LPP: variants seen among roughly 807,000 people sequenced by gnomAD.
The protein encoded by LPP is LIM domain containing preferred translocation partner in lipoma, also known as lipoma-preferred partner.
In LPP, 38 loss-of-function variants were observed where a neutral mutation model predicts 60.4. That is an observed-to-expected ratio of 0.63 (90% CI 0.49 to 0.83). The LOEUF (loss-of-function observed/expected upper bound fraction) is 0.83. Among genes scored for constraint, LPP ranks in the 40% least tolerant of loss-of-function variants. LPP has a pLI of 0.00. For synonymous variants in LPP, 328 were observed against 290.8 expected (o/e 1.13, Z -1.30); for missense variants, 902 against 783.6 (o/e 1.15, Z -1.80).
chr3:188,358,855 C>T (rs1183802331), intron 3 of LPP, among the ~76,000 whole-genome samples: 1 of 152,126 alleles, frequency 6.6e-6, no homozygotes, highest in African/African-American at 2.4e-5. Flanking sequence ...GATGCATTGT[C>T]CGCAAAGACT....
intron 7 of LPP, among the ~76,000 whole-genome samples, chr3:188,698,087 A>T (rs1240280577): frequency 2.0e-5 from 3 of 152,204 alleles, no homozygotes; most frequent in Non-Finnish European, 4.4e-5. Context: ...GGGACAATGC[A>T]TAGAAAGCTG....
Position 188,182,805 on chromosome 3 carries a change from GCACA to G in LPP, c.-190+28554_-190+28557del, listed in dbSNP as rs1162215335. Among the ~76,000 whole-genome samples, 17 of 148,398 alleles carry G rather than the reference GCACA, an allele frequency of 1.1e-4. No homozygotes were observed. Among genetic ancestry groups the G allele is most frequent in the Non-Finnish European group, 2.2e-4 (15 of 67,434 alleles). Reference sequence around the variant, plus strand: ...TAATATATGTACATATACAATATATGCACATATATAATATATGTACATATAATAT... The same window carrying G: ...TAATATATGTACATATACAATATATGTATATAATATATGTACATATAATAT... On this transcript the variant is annotated intron_variant, in intron 1 of 11. Coordinates refer to ENST00000617246, the MANE Select transcript of LPP (RefSeq NM_001375462.1). This position sits in a 1 kb window ranked among gnomAD's most constrained non-coding sequence, Gnocchi z 4.4.
intron 7 of LPP, among the ~76,000 whole-genome samples, chr3:188,676,574 A>T (rs573969397): frequency 6.6e-6 from 1 of 152,342 alleles, no homozygotes; most frequent in African/African-American, 2.4e-5. Context: ...ATTCTGCATT[A>T]CGTTTTAAAC....
intron 5 of LPP, among the ~76,000 whole-genome samples, chr3:188,502,146 T>C (rs1333686886): frequency 6.6e-6 from 1 of 152,222 alleles, no homozygotes; most frequent in Non-Finnish European, 1.5e-5. Flanking sequence ...CAATTGTTGT[T>C]CAAGTCCTCT....
chr3:188,764,649 A>T (rs1288091782), intron 9 of LPP, among the ~76,000 whole-genome samples: 1 of 152,188 alleles, frequency 6.6e-6, no homozygotes, highest in Admixed American at 6.5e-5. Context: ...ACATAAAGAG[A>T]CAGCCTTACT....
chr3:188,581,532 A>G (rs1836114338), intron 6 of LPP, among the ~76,000 whole-genome samples: 1 of 152,126 alleles, frequency 6.6e-6, no homozygotes, highest in South Asian at 2.1e-4. Flanking sequence ...GTCATTCATT[A>G]ATGTCCTGGT....
chr3:188,860,988 A>G (rs976803968), intron 9 of LPP, among the ~76,000 whole-genome samples: 2 of 152,338 alleles, frequency 1.3e-5, no homozygotes, highest in South Asian at 2.1e-4. Context: ...GTAACTCCCA[A>G]TCTGTCACTA....
At chr3:188,580,915 C>T (rs4642113) in intron 6 of LPP, among the ~76,000 whole-genome samples, 1 of 152,046 alleles carries the variant, frequency 6.6e-6, no homozygotes. Context: ...ATTCCTTCTT[C>T]TTTAAGGAAT....
rs116384940 is a variant in LPP at position 188,715,742 on chromosome 3, A to T, written c.1240+7349A>T. On this transcript the variant is annotated intron_variant, in intron 8 of 11. Transcript: ENST00000617246. ...GCCTCTAAGTTTTATGCTTTCATTC[A>T]TTTTGTAAGAGAAAGCGTGTTTGTA... Among the ~76,000 whole-genome samples the T allele has an allele frequency of 2.6e-3, 392 of 152,314 alleles. 2 individuals carry two copies. Among genetic ancestry groups the T allele is most frequent in the Middle Eastern group, 0.01 (3 of 294 alleles).
intron 1 of LPP, among the ~76,000 whole-genome samples, chr3:188,203,718 C>T (rs1281185874): frequency 6.7e-6 from 1 of 148,418 alleles, no homozygotes; most frequent in African/African-American, 2.5e-5. Flanking sequence ...TAGGCTCAAG[C>T]AATCCTTCTG....
chr3:188,331,873 G>C (rs1047400815), intron 2 of LPP, among the ~76,000 whole-genome samples: 2 of 152,140 alleles, frequency 1.3e-5, no homozygotes, highest in Non-Finnish European at 2.9e-5. Context: ...AGTTTCCCAA[G>C]ATGCAAAATG....
At chr3:188,260,915 G>A (rs539777161) in intron 2 of LPP, among the ~76,000 whole-genome samples, 2 of 151,982 alleles carry the variant, frequency 1.3e-5, no homozygotes, top group East Asian at 1.9e-4. Context: ...CATGCCTGTA[G>A]TCCCAGCTAC....
intron 3 of LPP, among the ~76,000 whole-genome samples, chr3:188,347,266 C>T (rs765573304): frequency 1.3e-5 from 2 of 152,126 alleles, no homozygotes; most frequent in Non-Finnish European, 2.9e-5. Context: ...CAGAGGAATA[C>T]AGAGAATGTG....
chr3:188,420,989 C>T (rs145555909), intron 4 of LPP, among the ~76,000 whole-genome samples: 47 of 152,228 alleles, frequency 3.1e-4, no homozygotes, highest in Middle Eastern at 3.4e-3. Context: ...ATGAATAGGG[C>T]ATGGGTTCTT....
intron 6 of LPP, among the ~76,000 whole-genome samples, chr3:188,591,572 T>C (rs575514735): frequency 6.6e-6 from 1 of 152,300 alleles, no homozygotes; most frequent in South Asian, 2.1e-4. Context: ...TCCTTCAAAC[T>C]CTCTATTCCT....
intron 8 of LPP, among the ~76,000 whole-genome samples, chr3:188,720,422 G>T (rs1003515669): frequency 7.2e-5 from 11 of 152,058 alleles, no homozygotes; most frequent in African/African-American, 2.7e-4. Flanking sequence ...TTTCCATCCC[G>T]GTTCAGAGGA....
chr3:188,654,980 A>G (rs1852853724), intron 7 of LPP, among the ~76,000 whole-genome samples: 1 of 152,248 alleles, frequency 6.6e-6, no homozygotes, highest in African/African-American at 2.4e-5. Flanking sequence ...AACTGCATAA[A>G]TTAAATAATT....
chr3:188,381,410 A>C (rs1344306979), intron 3 of LPP, among the ~76,000 whole-genome samples: 1 of 152,078 alleles, frequency 6.6e-6, no homozygotes, highest in Non-Finnish European at 1.5e-5. Flanking sequence ...TTATTGGATT[A>C]GGTGGAATTA....
At chr3:188,504,189 T>A (rs1432926854) in intron 5 of LPP, among the ~76,000 whole-genome samples, 1 of 152,206 alleles carries the variant, frequency 6.6e-6, no homozygotes, top group Non-Finnish European at 1.5e-5. Context: ...TCTTCAAGTT[T>A]TCTGATTCTT....
Sources: gnomAD v4.1 joint callset for allele counts (sites outside exome capture counted in the v4.1 genomes callset) on GRCh38, gnomAD v4.1.1 for gene constraint, Gnocchi (gnomAD v3.1) non-coding constraint, MANE v1.5 for transcripts, NCBI Gene and HGNC (gene_info 2026-07-23, HGNC 2026-07-21) for gene names.